The following SLX4IP variants were observed in gnomAD, a reference collection of about 807,000 sequenced individuals.
SLX4IP encodes the protein SLX4 interacting protein.
A neutral mutation model predicts 32.9 loss-of-function variants in SLX4IP; 34 were observed. The observed-to-expected ratio is 1.03, with a 90% CI of 0.79 to 1.38. The LOEUF is 1.38. Ranked by LOEUF, SLX4IP falls within the 40% of genes most tolerant of loss-of-function variation. The pLI is 0.00. For missense variants in SLX4IP, 444 were observed against 479.0 expected (o/e 0.93, Z 0.68); for synonymous variants, 172 against 171.7 (o/e 1.00, Z -0.01).
chr20:10,518,465 TTCCTTTCTTTTCCTTTCCTTTCCTTTTCC>T (rs1568720169), intron 2 of SLX4IP, among the ~76,000 whole-genome samples: 5 of 45,712 alleles, frequency 1.1e-4, no homozygotes, highest in East Asian at 4.3e-4. Flanking sequence ...CTTCCTTCCT[TTCCTTTCTTTTCCTTTCCTTTCCTTTTCC>T]TTCCTTCCTT....
chr20:10,577,224 T>C (rs936131995), intron 4 of SLX4IP, among the ~76,000 whole-genome samples: 5 of 152,216 alleles, frequency 3.3e-5, no homozygotes, highest in Non-Finnish European at 7.3e-5. Flanking sequence ...ACCCTTATTT[T>C]AGTAAAATAC....
chr20:10,451,992 G>A (rs1028798855), intron 1 of SLX4IP, among the ~76,000 whole-genome samples: 7 of 151,978 alleles, frequency 4.6e-5, no homozygotes, highest in Non-Finnish European at 8.8e-5. Flanking sequence ...AAATAAAATA[G>A]ATTATTCAAA....
intron 2 of SLX4IP, among the ~76,000 whole-genome samples, chr20:10,489,552 T>C (rs930712810): frequency 6.6e-6 from 1 of 152,240 alleles, no homozygotes; most frequent in African/African-American, 2.4e-5. Flanking sequence ...TTGATACCAT[T>C]TGCCCTTCTG....
chr20:10,614,032 C>T, intron 6 of SLX4IP: 2 of 1,429,758 alleles, frequency 1.4e-6, no homozygotes, highest in Admixed American at 1.7e-5. Context: ...TAGACTTTTT[C>T]CAGGATCTGG....
At chr20:10,451,709 C>T (rs1488457857) in intron 1 of SLX4IP, among the ~76,000 whole-genome samples, 3 of 152,116 alleles carry the variant, frequency 2.0e-5, no homozygotes, top group South Asian at 4.1e-4. Context: ...TGACTCATGA[C>T]TGTAATCCCA....
At chr20:10,614,843 G>T (rs926525066) in intron 6 of SLX4IP, among the ~76,000 whole-genome samples, 1 of 152,144 alleles carries the variant, frequency 6.6e-6, no homozygotes, top group Non-Finnish European at 1.5e-5. Context: ...CTAGACCTGT[G>T]CTGGCCAGTA....
intron 4 of SLX4IP, among the ~76,000 whole-genome samples, chr20:10,581,806 T>C (rs936956966): frequency 6.6e-6 from 1 of 152,132 alleles, no homozygotes; most frequent in African/African-American, 2.4e-5. Context: ...CCTGGAGTCC[T>C]ACTTGCTTGG....
At position 10,624,122 on chromosome 20, in the gene SLX4IP, G is replaced by A. The variant is rs1202698164; in HGVS notation, c.*743G>A. 1.3e-5 allele frequency: 2 copies of A among 152,188 alleles called. No individual in the cohort carries two copies. Among genetic ancestry groups the A allele is most frequent in the South Asian group, 2.1e-4 (1 of 4,826 alleles). 9.4% of individuals were successfully genotyped at this position (152,188 alleles called of 1,614,324 possible). A position where few individuals can be genotyped will look rare whatever the true frequency, so the allele number is the denominator to read the frequency against. On this transcript the variant is annotated 3_prime_UTR_variant, in exon 8 of 8. Coordinates refer to ENST00000334534, the MANE Select transcript of SLX4IP (RefSeq NM_001009608.3). ...TGGTGTATGGGTCACTCTCTTCCGGGTTCTACAGTATGGCAGCCATGGCAC... is the reference window on the plus strand; with the variant it reads ...TGGTGTATGGGTCACTCTCTTCCGGATTCTACAGTATGGCAGCCATGGCAC...
intron 4 of SLX4IP, among the ~76,000 whole-genome samples, chr20:10,590,262 G>A (rs780202930): frequency 2.0e-5 from 3 of 152,050 alleles, no homozygotes; most frequent in East Asian, 1.9e-4. Flanking sequence ...TACAATTAAT[G>A]ATTTCTAAAA....
At chr20:10,441,023 A>T (rs1442994709) in intron 1 of SLX4IP, among the ~76,000 whole-genome samples, 2 of 152,230 alleles carry the variant, frequency 1.3e-5, no homozygotes, top group African/African-American at 4.8e-5. Flanking sequence ...AAAGGAGTTG[A>T]ATAGCCTGTC....
At chr20:10,493,940 C>G (rs6104621) in intron 2 of SLX4IP, among the ~76,000 whole-genome samples, 1 of 138,296 alleles carries the variant, frequency 7.2e-6, no homozygotes, top group Non-Finnish European at 1.5e-5. Context: ...TCAAGTGATC[C>G]TCCTGCTTTG....
intron 2 of SLX4IP, among the ~76,000 whole-genome samples, chr20:10,466,314 A>G (rs193091078): frequency 1.2e-4 from 18 of 152,298 alleles, no homozygotes; most frequent in Admixed American, 4.6e-4. Flanking sequence ...CAGTGCTGTG[A>G]AAGTTTCCTA....
At chr20:10,560,855 T>G in intron 4 of SLX4IP, 35 bp downstream of exon 4, 1 of 1,536,956 alleles carries the variant, frequency 6.5e-7, no homozygotes, top group South Asian at 1.3e-5. Flanking sequence ...GGACAAAAAA[T>G]AAATAGAATT....
At position 10,488,643 on chromosome 20, in the gene SLX4IP, G is replaced by A. The variant is rs532175059; in HGVS notation, c.27+30412G>A. Reference sequence around the variant, plus strand: ...CTTATTTGTAAAATAACAGTATTGGGGTAGATGATGTCAGGACCTTCCTGC... The same window carrying A: ...CTTATTTGTAAAATAACAGTATTGGAGTAGATGATGTCAGGACCTTCCTGC... On this transcript the variant is annotated intron_variant, in intron 2 of 7. Transcript: ENST00000334534. Among the ~76,000 whole-genome samples, 3 of 152,122 alleles carry A rather than the reference G, an allele frequency of 2.0e-5. No individual in the cohort carries two copies. The East Asian group carries it at 5.8e-4, about 29-fold the overall frequency.
rs113360517 is a variant in SLX4IP, at chr20:10,498,108, G to A, written c.27+39877G>A. The stretch of plus-strand genomic sequence containing the variant: ...CAATATTTTTTCTTAGTGGTACATA[G>A]CAATATTCTTCCTTAACAATTATTG... On this transcript the variant is annotated intron_variant, in intron 2 of 7. Coordinates refer to ENST00000334534, the MANE Select transcript of SLX4IP (RefSeq NM_001009608.3). Among the ~76,000 whole-genome samples, 935 of 149,768 alleles carry A rather than the reference G, an allele frequency of 6.2e-3. 10 individuals are homozygous for A. Among genetic ancestry groups the A allele is most frequent in the Admixed American group, 0.022 (334 of 14,852 alleles).
chr20:10,457,350 G>T (rs1027622273), intron 1 of SLX4IP, among the ~76,000 whole-genome samples: 1 of 150,982 alleles, frequency 6.6e-6, no homozygotes, highest in Non-Finnish European at 1.5e-5. Flanking sequence ...TTAGCACTTG[G>T]TTTTTCCTAA....
chr20:10,529,954 A>T (rs1381598810), intron 2 of SLX4IP, among the ~76,000 whole-genome samples: 1 of 152,198 alleles, frequency 6.6e-6, no homozygotes, highest in African/African-American at 2.4e-5. Flanking sequence ...AAAAGTTGGG[A>T]GCAGACCAGC....
At chr20:10,566,283 ATTTTTTTTT>A (rs59907123) in intron 4 of SLX4IP, among the ~76,000 whole-genome samples, 174 of 97,864 alleles carry the variant, frequency 1.8e-3, no homozygotes, top group Admixed American at 4.1e-3. Flanking sequence ...AACTGATTAC[ATTTTTTTTT>A]TTTTTTTTTT....
chr20:10,518,382 T>C lies in SLX4IP; in HGVS notation c.28-37849T>C, dbSNP rs561934141. ...TTCTTTCTTTCTCTCTCTCTTTCTTTCCTTCTTCCTTTCTTTCTTTCTTTC... is the reference window on the plus strand; with the variant it reads ...TTCTTTCTTTCTCTCTCTCTTTCTTCCCTTCTTCCTTTCTTTCTTTCTTTC... On this transcript the variant is annotated intron_variant, in intron 2 of 7. Coordinates refer to ENST00000334534, the MANE Select transcript of SLX4IP (RefSeq NM_001009608.3). Among the ~76,000 whole-genome samples, 162 of 149,938 alleles carry C rather than the reference T, an allele frequency of 1.1e-3. 3 individuals are homozygous for C. The highest frequency in any genetic ancestry group is 3.7e-3 in the African/African-American group (153 of 40,862).
Sources: allele counts gnomAD v4.1 joint callset (sites outside exome capture counted in the v4.1 genomes callset), GRCh38; gene constraint gnomAD v4.1.1; transcripts MANE v1.5; gene names NCBI Gene and HGNC (gene_info 2026-07-23, HGNC 2026-07-21).